NRG1: variants seen among roughly 807,000 people sequenced by gnomAD.
The protein encoded by NRG1 is pro-neuregulin-1, membrane-bound isoform.
A neutral mutation model predicts 63.8 loss-of-function variants in NRG1; 18 were observed. That is an observed-to-expected ratio of 0.28 (90% CI 0.19 to 0.42). NRG1 has a LOEUF of 0.42. Among genes scored for constraint, NRG1 ranks in the 10% least tolerant of loss-of-function variants. The pLI is 1.00. For synonymous variants in NRG1, 302 were observed against 301.3 expected (o/e 1.00, Z -0.02); for missense variants, 762 against 814.7 (o/e 0.94, Z 0.79).
intron 1 of NRG1, among the ~76,000 whole-genome samples, chr8:32,073,464 A>G (rs2131060236): frequency 6.6e-6 from 1 of 152,168 alleles, no homozygotes; most frequent in African/African-American, 2.4e-5. Flanking sequence ...GCAGAATTCC[A>G]TCCAGCTCTT....
At chr8:32,324,045 TG>T (rs1350698943) in intron 1 of NRG1, among the ~76,000 whole-genome samples, 4 of 151,784 alleles carry the variant, frequency 2.6e-5, no homozygotes, top group Admixed American at 2.6e-4. Context: ...AATGACAGGA[TG>T]GGTTCATTGC....
chr8:32,095,857 A>G (rs1205459558), intron 1 of NRG1, among the ~76,000 whole-genome samples: 1 of 152,192 alleles, frequency 6.6e-6, no homozygotes, highest in African/African-American at 2.4e-5. Flanking sequence ...TCTTCACTGA[A>G]TGGGAGGAAA....
chr8:31,846,957 C>G (rs1011257050), intron 1 of NRG1, among the ~76,000 whole-genome samples: 1 of 152,132 alleles, frequency 6.6e-6, no homozygotes, highest in Non-Finnish European at 1.5e-5. Flanking sequence ...AAAGGGGCAC[C>G]TCTGTATTTC....
chr8:31,764,876 C>G (rs574085879), intron 1 of NRG1, among the ~76,000 whole-genome samples: 171 of 144,280 alleles, frequency 1.2e-3, no homozygotes, highest in Non-Finnish European at 2.3e-3. Context: ...TCTCCCAATG[C>G]TATCCCTCCC....
At chr8:32,327,671 T>G (rs745983759) in intron 1 of NRG1, among the ~76,000 whole-genome samples, 8 of 152,250 alleles carry the variant, frequency 5.3e-5, no homozygotes, top group Non-Finnish European at 1.2e-4. Flanking sequence ...TTTCTTGTTT[T>G]GTTTTGTTGT....
At chr8:32,122,497 C>A (rs1445599944) in intron 1 of NRG1, among the ~76,000 whole-genome samples, 1 of 151,914 alleles carries the variant, frequency 6.6e-6, no homozygotes, top group Non-Finnish European at 1.5e-5. Context: ...AATTATAACT[C>A]CATTTACAGA....
chr8:31,857,319 C>A (rs1828002449), intron 1 of NRG1, among the ~76,000 whole-genome samples: 1 of 152,232 alleles, frequency 6.6e-6, no homozygotes, highest in African/African-American at 2.4e-5. Context: ...TCCTGATGCG[C>A]TGTTTTTTAA....
chr8:32,751,608 G>A (rs1034396135), intron 7 of NRG1, among the ~76,000 whole-genome samples: 5 of 152,148 alleles, frequency 3.3e-5, no homozygotes, highest in Admixed American at 2.6e-4. Flanking sequence ...ATAGCAATGA[G>A]GATAAGGGTT....
intron 1 of NRG1, among the ~76,000 whole-genome samples, chr8:31,954,811 T>A (rs1303547634): frequency 6.6e-6 from 1 of 152,196 alleles, no homozygotes; most frequent in African/African-American, 2.4e-5. Flanking sequence ...CCCCTAGAGA[T>A]CTGTCAATTC....
At chr8:31,939,648 A>G (rs1366067168) in intron 1 of NRG1, among the ~76,000 whole-genome samples, 2 of 152,124 alleles carry the variant, frequency 1.3e-5, no homozygotes, top group Non-Finnish European at 2.9e-5. Flanking sequence ...GCATTCACCA[A>G]CCAAGTTTTC....
In NRG1 at chr8:31,640,413, G is replaced by C. The variant is rs1276239776; in HGVS notation, c.37+982G>C. ...CCGCCAACGGGACCGTGCCCTCTTG[G>C]CCCACCGCCCCGGTGCCCAGCGCCG... On this transcript the variant is annotated intron_variant, in intron 1 of 10. Coordinates refer to the NRG1 transcript ENST00000519301. This position sits in a 1 kb window ranked among gnomAD's most constrained non-coding sequence, Gnocchi z 6.3. 1 of 1,486,704 alleles carries C rather than the reference G, an allele frequency of 6.7e-7. No homozygotes were observed. The highest frequency in any genetic ancestry group is 2.3e-5 in the Admixed American group (1 of 44,422). 92.1% of individuals were successfully genotyped at this position (1,486,704 alleles called of 1,614,324 possible).
chr8:32,555,377 AG>A (rs1834926377), intron 1 of NRG1, among the ~76,000 whole-genome samples: 1 of 152,182 alleles, frequency 6.6e-6, no homozygotes, highest in Non-Finnish European at 1.5e-5. Context: ...TCCTCAACCC[AG>A]GGGCAACAAA....
chr8:32,150,519 T>G (rs1192262703), intron 1 of NRG1, among the ~76,000 whole-genome samples: 1 of 152,194 alleles, frequency 6.6e-6, no homozygotes, highest in Non-Finnish European at 1.5e-5. Flanking sequence ...GCTTCTGCCA[T>G]GTGAGGGCGT....
At chr8:32,415,365 CAAAAAAAAA>C (rs5890647) in intron 1 of NRG1, among the ~76,000 whole-genome samples, 1 of 115,344 alleles carries the variant, frequency 8.7e-6, no homozygotes, top group Admixed American at 9.1e-5. Flanking sequence ...GACTCTGTCT[CAAAAAAAAA>C]AAAAAAGAAA....
intron 5 of NRG1, among the ~76,000 whole-genome samples, chr8:32,706,460 G>T (rs542157239): frequency 1.3e-4 from 20 of 152,188 alleles, no homozygotes; most frequent in African/African-American, 3.4e-4. Context: ...ACTAGTTTTG[G>T]CAGGGGCTTG....
intron 1 of NRG1, among the ~76,000 whole-genome samples, chr8:32,022,028 T>G (rs1816532968): frequency 6.6e-6 from 1 of 152,150 alleles, no homozygotes; most frequent in Non-Finnish European, 1.5e-5. Context: ...TCTGAGCACT[T>G]TTATAAGTGA....
intron 1 of NRG1, among the ~76,000 whole-genome samples, chr8:32,111,265 C>T (rs1017149628): frequency 2.6e-5 from 4 of 151,952 alleles, no homozygotes; most frequent in Non-Finnish European, 5.9e-5. Context: ...TACAGGGGCC[C>T]GCCAGAGTTT....
At chr8:31,751,909 A>C (rs558934829) in intron 1 of NRG1, among the ~76,000 whole-genome samples, 1 of 152,128 alleles carries the variant, frequency 6.6e-6, no homozygotes, top group South Asian at 2.1e-4. Context: ...GAGTTTTATG[A>C]ATTTGATCAT....
chr8:31,664,893 C>G (rs1309752905), intron 1 of NRG1, among the ~76,000 whole-genome samples: 1 of 152,180 alleles, frequency 6.6e-6, no homozygotes, highest in Non-Finnish European at 1.5e-5. Context: ...GGCTTGTAAT[C>G]TAAATGTGGA....
Sources: gnomAD v4.1 joint callset for allele counts (sites outside exome capture counted in the v4.1 genomes callset) on GRCh38, gnomAD v4.1.1 for gene constraint, Gnocchi (gnomAD v3.1) non-coding constraint, MANE v1.5 for transcripts, NCBI Gene and HGNC (gene_info 2026-07-23, HGNC 2026-07-21) for gene names.